RASGRF1: variants seen among roughly 807,000 people sequenced by gnomAD.
RASGRF1 encodes the protein Ras protein specific guanine nucleotide releasing factor 1.
Under a neutral mutation model 138.7 loss-of-function variants are expected in RASGRF1, and 40 were observed. That is an observed-to-expected ratio of 0.29 (90% CI 0.22 to 0.38). RASGRF1 has a LOEUF of 0.38. Ranked by LOEUF, RASGRF1 falls within the 10% of genes least tolerant of loss-of-function variation. The pLI is 1.00. For synonymous variants in RASGRF1, 614 were observed against 663.2 expected (o/e 0.93, Z 1.14); for missense variants, 1,108 against 1,650.4 (o/e 0.67, Z 5.69).
chr15:79,033,717 G>A (rs553579788), intron 6 of RASGRF1, among the ~76,000 whole-genome samples: 1 of 150,120 alleles, frequency 6.7e-6, no homozygotes, highest in South Asian at 2.1e-4. Context: ...AGCCTCCCGA[G>A]TAGCTGGAAC....
chr15:79,048,396 C>T (rs769626169), intron 4 of RASGRF1, among the ~76,000 whole-genome samples: 7 of 152,148 alleles, frequency 4.6e-5, no homozygotes, highest in East Asian at 1.9e-4. Context: ...GGAGCTTGGC[C>T]GCCAGGGTTT....
Position 79,032,371 on chromosome 15 carries a change from C to T in RASGRF1, c.959-55G>A. ...TAGGGCAGCTTGGTGGGGACAGAAT[C>T]CCCTAGGCCCTTGGCTCCCCCAGCT... is the stretch of plus-strand genomic sequence containing the variant. On this transcript the variant is annotated intron_variant, in intron 6 of 26. Transcript: ENST00000558480. The surrounding 1 kb of genome is among the most constrained non-coding windows in gnomAD (Gnocchi z 4.5). 1 of 1,551,464 alleles carries T rather than the reference C, an allele frequency of 6.4e-7. No homozygotes were observed.
In RASGRF1 at chr15:78,960,978, T is replaced by G. The variant is rs2055536221; in HGVS notation, c.*1166A>C. On this transcript the variant is annotated 3_prime_UTR_variant, in exon 27 of 27. Transcript: ENST00000558480. The stretch of plus-strand genomic sequence containing the variant: ...CATATATTTTTACAAAAATGGAAAT[T>G]TTTTTCCAAACAAGCTGTAAGTTGA... 6.6e-6 allele frequency: 1 copy of G among 152,196 alleles called. No homozygotes were observed. The allele number at this position is 152,196 out of a possible 1,614,324, so 9.4% of individuals were successfully genotyped here. A position where few individuals can be genotyped will look rare whatever the true frequency, so the allele number is the denominator to read the frequency against.
chr15:79,014,952 C>CAAACA (rs1346776843), intron 13 of RASGRF1, among the ~76,000 whole-genome samples: 35 of 149,384 alleles, frequency 2.3e-4, no homozygotes, highest in Non-Finnish European at 4.9e-4. Context: ...AAACAAAAAA[C>CAAACA]AAACAAAACA....
intron 14 of RASGRF1, among the ~76,000 whole-genome samples, chr15:79,004,508 C>T (rs542718050): frequency 6.6e-6 from 1 of 152,230 alleles, no homozygotes; most frequent in African/African-American, 2.4e-5. Flanking sequence ...CCATCCCACA[C>T]AGGGCCTGCT....
intron 13 of RASGRF1, among the ~76,000 whole-genome samples, chr15:79,011,534 C>T (rs1411234939): frequency 1.3e-5 from 2 of 152,220 alleles, no homozygotes; most frequent in Non-Finnish European, 2.9e-5. Flanking sequence ...TTCTGACCCT[C>T]TGTGTCCCCT....
At chr15:78,983,007 T>C (rs2056069323) in intron 23 of RASGRF1, among the ~76,000 whole-genome samples, 2 of 152,196 alleles carry the variant, frequency 1.3e-5, no homozygotes, top group African/African-American at 4.8e-5. Flanking sequence ...TTGGACATAA[T>C]GCTTTTCTGC....
intron 1 of RASGRF1, among the ~76,000 whole-genome samples, chr15:79,085,915 G>A (rs1370231407): frequency 2.0e-5 from 3 of 152,224 alleles, no homozygotes; most frequent in Non-Finnish European, 4.4e-5. Flanking sequence ...GTGGATGTAC[G>A]ATTTGTTTCT....
chr15:79,031,380 A>C lies in RASGRF1; in HGVS notation c.1262+20T>G. The C allele has an allele frequency of 6.4e-7, 1 of 1,556,828 alleles. No homozygotes were observed. ...CCTGCCCTGTCTGCCGGTCTGGTGCACTGAAGAGCCAGGCCTCACCTGGAC... is the reference window on the plus strand; with the variant it reads ...CCTGCCCTGTCTGCCGGTCTGGTGCCCTGAAGAGCCAGGCCTCACCTGGAC... On this transcript the variant is annotated intron_variant, in intron 8 of 26. Coordinates refer to ENST00000558480, the MANE Select transcript of RASGRF1 (RefSeq NM_001145648.3).
At chr15:79,000,381 TCCAG>T (rs1475740016) in intron 16 of RASGRF1, among the ~76,000 whole-genome samples, 1 of 152,046 alleles carries the variant, frequency 6.6e-6, no homozygotes, top group Non-Finnish European at 1.5e-5. Context: ...GCTCTTGGAG[TCCAG>T]CCACCTGAGT....
chr15:79,024,079 A>T (rs1420962187), intron 10 of RASGRF1, among the ~76,000 whole-genome samples: 1 of 151,352 alleles, frequency 6.6e-6, no homozygotes, highest in African/African-American at 2.4e-5. Context: ...ACATATACAC[A>T]CCACACATAC....
At position 79,025,492 on chromosome 15, in the gene RASGRF1, A is replaced by T. The variant is rs200569828; in HGVS notation, c.1382-18T>A. 8.0e-5 allele frequency: 129 copies of T among 1,608,740 alleles called. No individual in the cohort carries two copies. Among genetic ancestry groups the T allele is most frequent in the Admixed American group, 1.8e-4 (11 of 59,606 alleles). Reference sequence around the variant, plus strand: ...GAGGGAACCTGTGGGTGGAGGAGAGAGACCCTGAGCCCATCTCCTGGGGTG... The same window carrying T: ...GAGGGAACCTGTGGGTGGAGGAGAGTGACCCTGAGCCCATCTCCTGGGGTG... On this transcript the variant is annotated intron_variant, in intron 9 of 26. Coordinates refer to ENST00000558480, the MANE Select transcript of RASGRF1 (RefSeq NM_001145648.3).
At chr15:79,014,643 G>A (rs556690544) in intron 13 of RASGRF1, among the ~76,000 whole-genome samples, 54 of 152,200 alleles carry the variant, frequency 3.5e-4, no homozygotes, top group African/African-American at 1.2e-3. Context: ...AGCCGGAGGC[G>A]GTGGCTCACA....
chr15:79,004,655 T>C, intron 14 of RASGRF1: 1 of 987,056 alleles, frequency 1.0e-6, no homozygotes, highest in Non-Finnish European at 1.2e-6. Context: ...TCCACCTGCT[T>C]TGGGGCTTGA....
At chr15:79,022,317 A>C (rs903244375) in intron 10 of RASGRF1, among the ~76,000 whole-genome samples, 2 of 151,996 alleles carry the variant, frequency 1.3e-5, no homozygotes, top group African/African-American at 4.8e-5. Context: ...GCGGGTGCCT[A>C]TAATTCCAGC....
chr15:78,998,303 AT>A (rs2056440082), intron 18 of RASGRF1, 95 bp from the exon 19 acceptor site: 4 of 1,083,626 alleles, frequency 3.7e-6, no homozygotes, highest in Non-Finnish European at 5.6e-6. Flanking sequence ...TCCAGTTTCT[AT>A]TCTGCCCAGG....
chr15:79,058,112 T>G (rs2057534650), intron 3 of RASGRF1, among the ~76,000 whole-genome samples: 1 of 152,234 alleles, frequency 6.6e-6, no homozygotes, highest in South Asian at 2.1e-4. Context: ...AGGGACTTGT[T>G]CCAGGTTGCA....
chr15:78,993,232 A>AGTGC (rs2056312349), intron 20 of RASGRF1, among the ~76,000 whole-genome samples: 1 of 53,584 alleles, frequency 1.9e-5, no homozygotes, highest in Non-Finnish European at 3.9e-5. Flanking sequence ...TGTGTGGGTG[A>AGTGC]TGTGTGTGTG....
intron 20 of RASGRF1, among the ~76,000 whole-genome samples, chr15:78,994,069 A>C (rs2056338121): frequency 1.3e-5 from 2 of 152,194 alleles, no homozygotes; most frequent in African/African-American, 2.4e-5. Context: ...CGAAGGAACA[A>C]GGGGCCCTCA....
Sources: allele counts gnomAD v4.1 joint callset (sites outside exome capture counted in the v4.1 genomes callset), GRCh38; gene constraint gnomAD v4.1.1; non-coding constraint Gnocchi (gnomAD v3.1); transcripts MANE v1.5; gene names NCBI Gene and HGNC (gene_info 2026-07-23, HGNC 2026-07-21).